FAM120B: variants seen among roughly 807,000 people sequenced by gnomAD.
FAM120B encodes family with sequence similarity 120 member B.
FAM120B carries 83 observed loss-of-function variants against 96.3 expected under a neutral mutation model. The ratio of observed to expected loss-of-function variants is 0.86; its 90% confidence interval spans 0.72 to 1.03. The LOEUF is 1.03. Ranked by LOEUF, FAM120B falls within the 50% of genes least tolerant of loss-of-function variation. The pLI is 0.00. For synonymous variants in FAM120B, 407 were observed against 402.7 expected, an observed-to-expected ratio of 1.01 and a Z score of -0.13; for missense variants, 1,027 against 1,121.2, an observed-to-expected ratio of 0.92 and a Z score of 1.20.
intron 9 of FAM120B, among the ~76,000 whole-genome samples, chr6:170,398,011 G>C (rs989923536): frequency 4.6e-5 from 7 of 152,198 alleles, no homozygotes; most frequent in Admixed American, 3.9e-4. Context: ...CTTCCCCCTG[G>C]GCCTCAGGAA....
At chr6:170,392,951 A>G (rs2115324201) in intron 8 of FAM120B, among the ~76,000 whole-genome samples, 1 of 152,300 alleles carries the variant, frequency 6.6e-6, no homozygotes, top group African/African-American at 2.4e-5. Context: ...AACAAAGTTG[A>G]TTTATTGCAA....
chr6:170,296,861 C>T (rs1271236425), intron 1 of FAM120B, among the ~76,000 whole-genome samples: 1 of 152,158 alleles, frequency 6.6e-6, no homozygotes, highest in Non-Finnish European at 1.5e-5. Flanking sequence ...GGGGTCGAGG[C>T]GTCGCACCTG....
intron 4 of FAM120B, among the ~76,000 whole-genome samples, chr6:170,338,300 T>C (rs573262138): frequency 6.6e-6 from 1 of 152,364 alleles, no homozygotes; most frequent in East Asian, 1.9e-4. Context: ...CCAGTAGTCA[T>C]TCAGGAGCAG....
chr6:170,362,688 T>C (rs1180366332), intron 6 of FAM120B, among the ~76,000 whole-genome samples: 1 of 151,188 alleles, frequency 6.6e-6, no homozygotes, highest in South Asian at 2.1e-4. Context: ...TTTTTTCTTT[T>C]TTTTTTTTTT....
chr6:170,403,635 C>T (rs1476012460), intron 9 of FAM120B, among the ~76,000 whole-genome samples: 6 of 152,194 alleles, frequency 3.9e-5, no homozygotes, highest in Non-Finnish European at 5.9e-5. Flanking sequence ...ACAAAGGCTG[C>T]TCAAGTGAGA....
At chr6:170,325,333 C>T (rs1182180692) in intron 3 of FAM120B, among the ~76,000 whole-genome samples, 1 of 152,128 alleles carries the variant, frequency 6.6e-6, no homozygotes, top group African/African-American at 2.4e-5. Context: ...TTAAAAACAG[C>T]ATGTCCAGTG....
rs1266909192 is a variant in FAM120B at position 170,395,580 on chromosome 6, G to A, written c.2692+1G>A. ...CAGCCGTGGAGAGACCAGGGACCAG[G>A]TAAGAAGGCCAGTGGTCACTCTGCT... On this transcript the variant is annotated splice_donor_variant, in intron 9 of 10. Transcript: ENST00000476287. LOFTEE classifies it high-confidence loss of function. 6.3e-7 allele frequency: 1 copy of A among 1,587,412 alleles called. No homozygotes were observed. Among genetic ancestry groups the A allele is most frequent in the African/African-American group, 1.3e-5 (1 of 74,372 alleles).
chr6:170,305,927 G>T (rs1341763823), upstream of FAM120B, among the ~76,000 whole-genome samples: 2 of 152,104 alleles, frequency 1.3e-5, no homozygotes, highest in Non-Finnish European at 2.9e-5. Context: ...CCAAACTCCT[G>T]AATATGACGA....
At chr6:170,359,856 A>T (rs1313705202) in intron 6 of FAM120B, among the ~76,000 whole-genome samples, 1 of 152,230 alleles carries the variant, frequency 6.6e-6, no homozygotes, top group Non-Finnish European at 1.5e-5. Context: ...GTATCCAAAA[A>T]GTGGCCTTTT....
At chr6:170,382,726 G>T (rs527414543) in intron 6 of FAM120B, among the ~76,000 whole-genome samples, 1 of 152,320 alleles carries the variant, frequency 6.6e-6, no homozygotes, top group South Asian at 2.1e-4. Context: ...CCTCCAGACT[G>T]ATGTACAGGT....
At chr6:170,319,256 T>C (rs1454919405) in intron 2 of FAM120B, 132 bp downstream of exon 2, 1 of 832,922 alleles carries the variant, frequency 1.2e-6, no homozygotes, top group Non-Finnish European at 1.8e-6. Context: ...TAAGTCTCGT[T>C]AGGAAGTGTG....
chr6:170,325,914 G>T (rs901064059), intron 3 of FAM120B, among the ~76,000 whole-genome samples: 1 of 151,250 alleles, frequency 6.6e-6, no homozygotes, highest in African/African-American at 2.4e-5. Context: ...AATAATTGCG[G>T]TTTTTGCAAT....
intron 6 of FAM120B, among the ~76,000 whole-genome samples, chr6:170,364,785 C>G (rs1320418543): frequency 6.6e-6 from 1 of 152,204 alleles, no homozygotes; most frequent in Non-Finnish European, 1.5e-5. Flanking sequence ...GCCTTTCTTT[C>G]CTCCCCAAGA....
At chr6:170,400,962 C>T (rs1042403067) in intron 9 of FAM120B, among the ~76,000 whole-genome samples, 6 of 152,196 alleles carry the variant, frequency 3.9e-5, no homozygotes, top group Non-Finnish European at 7.3e-5. Flanking sequence ...ACTACAGGAG[C>T]ATCTTTAAAC....
In FAM120B at chr6:170,395,604, C is replaced by CT. The variant is rs1163123989; in HGVS notation, c.2692+26dup. On this transcript the variant is annotated intron_variant, in intron 9 of 10. Transcript: ENST00000476287. ...GGTAAGAAGGCCAGTGGTCACTCTG[C>CT]TGGGCCACCTGCATGGCACTGCCTC... The CT allele has an allele frequency of 2.0e-6, 3 of 1,517,874 alleles. No individual in the cohort carries two copies. In the Admixed American group the frequency reaches 5.6e-5, roughly 28 times the overall value. 94.0% of individuals were successfully genotyped at this position (1,517,874 alleles called of 1,614,324 possible). A position where few individuals can be genotyped will look rare whatever the true frequency, so the allele number is the denominator to read the frequency against.
In FAM120B at chr6:170,317,897, G is replaced by A; in HGVS notation, c.507G>A (p.Gln169=). Reference sequence around the variant, plus strand: ...ATGAGGTAGCTTCCTATGGCCTCCAGCATAACTGTCTTGGGATTCTGGGGG... The same window carrying A: ...ATGAGGTAGCTTCCTATGGCCTCCAACATAACTGTCTTGGGATTCTGGGGG... ...ADYEVASYGL[Q]HNCLGILGED... Residue 169 remains glutamine (Q), a synonymous_variant, in exon 2 of 11, where the codon CAG becomes CAA. Coordinates refer to ENST00000476287, the MANE Select transcript of FAM120B (RefSeq NM_032448.3). 6.2e-7 allele frequency: 1 copy of A among 1,614,218 alleles called. No individual in the cohort carries two copies. The highest frequency in any genetic ancestry group is 8.5e-7 in the Non-Finnish European group (1 of 1,180,038).
At chr6:170,400,143 G>T (rs1778471537) in intron 9 of FAM120B, among the ~76,000 whole-genome samples, 1 of 150,426 alleles carries the variant, frequency 6.6e-6, no homozygotes. Context: ...GAGTGAGTGG[G>T]GAAGGTAGAA....
At chr6:170,386,287 CT>C (rs899381326) in intron 6 of FAM120B, among the ~76,000 whole-genome samples, 17 of 152,010 alleles carry the variant, frequency 1.1e-4, no homozygotes, top group African/African-American at 2.2e-4. Context: ...ACATAAAGTC[CT>C]TTTTTTTAAG....
At chr6:170,388,526 A>G (rs767614206) in intron 7 of FAM120B, 33 bp downstream of exon 7, 2 of 1,566,348 alleles carry the variant, frequency 1.3e-6, no homozygotes, top group Non-Finnish European at 1.8e-6. Context: ...TTCACCAGAA[A>G]CATCCCTGTA....
Sources: gnomAD v4.1 joint callset for allele counts (sites outside exome capture counted in the v4.1 genomes callset) on GRCh38, gnomAD v4.1.1 for gene constraint, MANE v1.5 for transcripts, NCBI Gene and HGNC (gene_info 2026-07-23, HGNC 2026-07-21) for gene names.